Variants in PHF20 observed in about 807,000 individuals in gnomAD.
PHF20 encodes the protein PHD finger protein 20.
A neutral mutation model predicts 113.5 loss-of-function variants in PHF20; 23 were observed. That is an observed-to-expected ratio of 0.20 (90% CI 0.15 to 0.29). The LOEUF is 0.29. PHF20 is among the 10% of genes least tolerant of loss of function. The pLI is 1.00. For synonymous variants in PHF20, 434 were observed against 457.3 expected (o/e 0.95, Z 0.65); for missense variants, 943 against 1,219.6 (o/e 0.77, Z 3.38).
rs138377551 is a variant in PHF20, at chr20:35,787,520, G to A, written c.-32-13971G>A. On this transcript the variant is annotated intron_variant, in intron 1 of 17. Coordinates refer to ENST00000374012, the MANE Select transcript of PHF20 (RefSeq NM_016436.5). The stretch of plus-strand genomic sequence containing the variant: ...TTTTTACTTTTTGAGACAGAGTTTC[G>A]CTCTGTCTCCCTGGCTGGAGTGCAG... Among the ~76,000 whole-genome samples the A allele has an allele frequency of 1.9e-3, 283 of 145,416 alleles. 7 individuals carry two copies. The highest frequency in any genetic ancestry group is 0.011 in the Middle Eastern group (3 of 264).
At chr20:35,944,805 G>T (rs1322081757) in intron 17 of PHF20, among the ~76,000 whole-genome samples, 1 of 152,108 alleles carries the variant, frequency 6.6e-6, no homozygotes, top group Non-Finnish European at 1.5e-5. Flanking sequence ...GACCTCAGGT[G>T]ATCCACCTCC....
rs78423396 is a variant in PHF20, at chr20:35,865,441, T to A, written c.808+2041T>A. Reference sequence around the variant, plus strand: ...GCTGAGCCCAGTTTAAAAAAAAAATTTTTTTTAAAGTACTGGATTAAATAA... The same window carrying A: ...GCTGAGCCCAGTTTAAAAAAAAAATATTTTTTAAAGTACTGGATTAAATAA... On this transcript the variant is annotated intron_variant, in intron 6 of 17. Coordinates refer to ENST00000374012, the MANE Select transcript of PHF20 (RefSeq NM_016436.5). Among the ~76,000 whole-genome samples the A allele has an allele frequency of 2.1e-3, 314 of 151,752 alleles. 1 individual carries two copies. Among genetic ancestry groups the A allele is most frequent in the African/African-American group, 4.2e-3 (176 of 41,416 alleles).
At chr20:35,836,211 C>A (rs967343119) in intron 2 of PHF20, among the ~76,000 whole-genome samples, 3 of 151,164 alleles carry the variant, frequency 2.0e-5, no homozygotes, top group African/African-American at 7.3e-5. Flanking sequence ...GAGATGGGGT[C>A]TTGCTGTCTT....
Position 35,869,434 on chromosome 20 carries a change from G to T in PHF20, c.809-4G>T, listed in dbSNP as rs1455464703. ...TTTTTTGTGTGGTTTTATAAACATGGTAGCTGTGGATTCAAACTCTCAAAC... is the reference window on the plus strand; with the variant it reads ...TTTTTTGTGTGGTTTTATAAACATGTTAGCTGTGGATTCAAACTCTCAAAC... On this transcript the variant is annotated splice_region_variant and splice_polypyrimidine_tract_variant and intron_variant, in intron 6 of 17. Coordinates refer to ENST00000374012, the MANE Select transcript of PHF20 (RefSeq NM_016436.5). 6.7e-7 allele frequency: 1 copy of T among 1,484,024 alleles called. No individual in the cohort carries two copies. The highest frequency in any genetic ancestry group is 9.4e-7 in the Non-Finnish European group (1 of 1,069,140). The allele number at this position is 1,484,024 out of a possible 1,614,324, so 91.9% of individuals were successfully genotyped here.
At chr20:35,870,229 G>A (rs954862735) in intron 7 of PHF20, among the ~76,000 whole-genome samples, 3 of 150,682 alleles carry the variant, frequency 2.0e-5, no homozygotes, top group South Asian at 2.1e-4. Context: ...GCATGAACCC[G>A]GGAGGCGGAG....
chr20:35,784,000 C>T (rs1051349848), intron 1 of PHF20, among the ~76,000 whole-genome samples: 1 of 151,634 alleles, frequency 6.6e-6, no homozygotes, highest in African/African-American at 2.4e-5. Flanking sequence ...CAAAACCAAA[C>T]CAAAGTACTG....
At chr20:35,857,158 A>G (rs2042845399) in intron 4 of PHF20, among the ~76,000 whole-genome samples, 1 of 152,156 alleles carries the variant, frequency 6.6e-6, no homozygotes, top group South Asian at 2.1e-4. Flanking sequence ...GTGATTACCA[A>G]TGGTTTACTG....
intron 9 of PHF20, among the ~76,000 whole-genome samples, chr20:35,894,924 C>T (rs896823590): frequency 1.3e-5 from 2 of 152,308 alleles, no homozygotes; most frequent in South Asian, 2.1e-4. Flanking sequence ...GGCACAATCT[C>T]GGCTCACTGC....
intron 1 of PHF20, among the ~76,000 whole-genome samples, chr20:35,774,025 TC>T (rs1270237508): frequency 6.6e-6 from 1 of 151,902 alleles, no homozygotes; most frequent in African/African-American, 2.4e-5. Context: ...TTTGTTCTTG[TC>T]CCTGGGGTGT....
chr20:35,943,076 G>A (rs1208012149), intron 17 of PHF20, among the ~76,000 whole-genome samples: 1 of 152,120 alleles, frequency 6.6e-6, no homozygotes, highest in East Asian at 1.9e-4. Context: ...GCCCACCTTG[G>A]CCTCCCAAAG....
intron 4 of PHF20, among the ~76,000 whole-genome samples, chr20:35,852,394 C>T (rs961273361): frequency 1.3e-5 from 2 of 152,124 alleles, no homozygotes; most frequent in South Asian, 2.1e-4. Flanking sequence ...TGATTATGGG[C>T]GGTTCACTGC....
intron 2 of PHF20, among the ~76,000 whole-genome samples, chr20:35,827,852 A>G (rs918973940): frequency 6.6e-6 from 1 of 151,094 alleles, no homozygotes; most frequent in Non-Finnish European, 1.5e-5. Flanking sequence ...ATCGATCTTG[A>G]TTGTGCCTCT....
intron 1 of PHF20, among the ~76,000 whole-genome samples, chr20:35,793,723 C>T (rs900657932): frequency 5.3e-5 from 8 of 151,434 alleles, no homozygotes; most frequent in Admixed American, 1.3e-4. Context: ...GCTCGCATGG[C>T]GCAGTGGCTC....
chr20:35,794,709 G>C (rs199611103), intron 1 of PHF20, among the ~76,000 whole-genome samples: 2 of 152,078 alleles, frequency 1.3e-5, no homozygotes, highest in East Asian at 1.9e-4. Context: ...TCCTGTCCCA[G>C]AGCTGATTCA....
intron 10 of PHF20, among the ~76,000 whole-genome samples, chr20:35,902,474 G>T (rs1020827772): frequency 2.0e-5 from 3 of 152,180 alleles, no homozygotes; most frequent in African/African-American, 7.2e-5. Flanking sequence ...GACCATCGTG[G>T]TGTGTGCTCT....
intron 4 of PHF20, among the ~76,000 whole-genome samples, chr20:35,857,101 A>G (rs2042843758): frequency 6.6e-6 from 1 of 152,072 alleles, no homozygotes; most frequent in South Asian, 2.1e-4. Context: ...GGGTGGGGGA[A>G]TTGGTTCTAA....
rs1421536534 is a variant in PHF20, at chr20:35,902,952, C to A, written c.1561+3304C>A. Among the ~76,000 whole-genome samples, 3 of 151,680 alleles carry A rather than the reference C, an allele frequency of 2.0e-5. No homozygotes were observed. The East Asian group carries it at 5.8e-4, about 29-fold the overall frequency. ...AGCCAACCACTGATGAGCTACAAAACCAATAGACAAGACATTGCCATTTTG... is the reference window on the plus strand; with the variant it reads ...AGCCAACCACTGATGAGCTACAAAAACAATAGACAAGACATTGCCATTTTG... On this transcript the variant is annotated intron_variant, in intron 10 of 17. Transcript: ENST00000374012.
At position 35,899,440 on chromosome 20, in the gene PHF20, G is replaced by A. The variant is rs1023284207; in HGVS notation, c.1353G>A (p.Lys451=). The A allele has an allele frequency of 1.9e-6, 3 of 1,613,984 alleles. No individual in the cohort carries two copies. The highest frequency in any genetic ancestry group is 2.7e-5 in the African/African-American group (2 of 74,922). The change falls in exon 10 of 18, where the codon AAG becomes AAA. Residue 451 remains lysine (K), a synonymous_variant. Coordinates refer to ENST00000374012, the MANE Select transcript of PHF20 (RefSeq NM_016436.5). The stretch of plus-strand genomic sequence containing the variant: ...CACCAGCTGTCGACCTAGACCATAA[G>A]TTTAGATGCAAAGTTGTGGACTGTT... ...SNAPAVDLDH[K]FRCKVVDCLK...
intron 1 of PHF20, among the ~76,000 whole-genome samples, chr20:35,777,114 C>G (rs1394204645): frequency 1.3e-5 from 2 of 152,192 alleles, no homozygotes; most frequent in African/African-American, 2.4e-5. Flanking sequence ...TCATTCAGAA[C>G]TACCTGAAAT....
Sources: allele counts gnomAD v4.1 joint callset (sites outside exome capture counted in the v4.1 genomes callset), GRCh38; gene constraint gnomAD v4.1.1; transcripts MANE v1.5; gene names NCBI Gene and HGNC (gene_info 2026-07-23, HGNC 2026-07-21).